PCDHA4: variants seen among roughly 807,000 people sequenced by gnomAD.
PCDHA4 encodes the protein protocadherin alpha 4.
A neutral mutation model predicts 61.4 loss-of-function variants in PCDHA4; 49 were observed. That is an observed-to-expected ratio of 0.80 (90% CI 0.63 to 1.01). The LOEUF (loss-of-function observed/expected upper bound fraction) is 1.01, where lower values mean the gene tolerates loss of function less well. Ranked by LOEUF, PCDHA4 falls within the 50% of genes least tolerant of loss-of-function variation. The probability of loss-of-function intolerance (pLI) is 0.00; values close to 1 mark genes in which losing one functional copy is unlikely to be tolerated. For synonymous variants in PCDHA4, 590 were observed against 550.3 expected (o/e 1.07, Z -1.01); for missense variants, 1,254 against 1,235.8 (o/e 1.01, Z -0.22).
chr5:140,813,047 T>C (rs1334084889), intron 1 of PCDHA4: 1 of 152,224 alleles, frequency 6.6e-6, no homozygotes, highest in African/African-American at 2.4e-5. Context: ...AAGACTTGTT[T>C]TGTGACCTGA....
intron 1 of PCDHA4, chr5:140,877,909 C>A: frequency 6.3e-6 from 9 of 1,432,578 alleles, no homozygotes; most frequent in Non-Finnish European, 7.3e-6. Flanking sequence ...TAACTACATT[C>A]TCTCATTTTT....
At chr5:140,884,547 C>T (rs1554181712) in intron 1 of PCDHA4, 5 of 1,614,214 alleles carry the variant, frequency 3.1e-6, no homozygotes, top group Admixed American at 1.7e-5. Context: ...AGGGTGTGCT[C>T]TGGGGAGGGC....
At chr5:140,948,865 C>T (rs1358865868) in intron 1 of PCDHA4, among the ~76,000 whole-genome samples, 4 of 151,324 alleles carry the variant, frequency 2.6e-5, no homozygotes, top group African/African-American at 4.8e-5. Flanking sequence ...TATATTACTT[C>T]GGGTTTACTT....
chr5:140,850,570 C>T (rs2041682999), intron 1 of PCDHA4: 2 of 1,598,372 alleles, frequency 1.3e-6, no homozygotes, highest in Non-Finnish European at 8.6e-7. Context: ...CCCGAGGTGA[C>T]GCTGGTGGAT....
chr5:140,871,527 G>A (rs537927360), intron 1 of PCDHA4: 3 of 1,531,844 alleles, frequency 2.0e-6, no homozygotes, highest in African/African-American at 2.8e-5. Context: ...CTATCAGGAA[G>A]TGTATGTGAA....
chr5:140,883,356 C>A, intron 1 of PCDHA4: 1 of 1,614,190 alleles, frequency 6.2e-7, no homozygotes, highest in Non-Finnish European at 8.5e-7. Flanking sequence ...AGAGAAGACA[C>A]TCAGCCTAGC....
intron 1 of PCDHA4, among the ~76,000 whole-genome samples, chr5:140,921,561 T>C (rs373696344): frequency 6.6e-6 from 1 of 152,194 alleles, no homozygotes; most frequent in South Asian, 2.1e-4. Context: ...AGCTCTATTA[T>C]GTTATAGTAG....
chr5:140,967,127 T>C (rs155808), intron 1 of PCDHA4: 558,768 of 1,612,332 alleles, frequency 0.35, 98,550 homozygotes, highest in East Asian at 0.51. Flanking sequence ...CCTGCTCAGC[T>C]TGGAAGTGCT....
chr5:140,917,256 T>C (rs1043140553), intron 1 of PCDHA4, among the ~76,000 whole-genome samples: 6 of 151,524 alleles, frequency 4.0e-5, no homozygotes, highest in African/African-American at 7.3e-5. Context: ...ATTGCTCACC[T>C]GATGTTTGGT....
intron 3 of PCDHA4, among the ~76,000 whole-genome samples, chr5:140,985,949 C>T (rs1195801055): frequency 2.6e-5 from 4 of 152,032 alleles, no homozygotes; most frequent in African/African-American, 9.7e-5. Context: ...CTGTGTTAGC[C>T]AGGATGGTCT....
chr5:140,983,039 A>C (rs1554245052), intron 3 of PCDHA4, among the ~76,000 whole-genome samples: 1 of 152,036 alleles, frequency 6.6e-6, no homozygotes, highest in Non-Finnish European at 1.5e-5. Flanking sequence ...TTTCTCATGG[A>C]AGTGGAAAAT....
chr5:140,831,485 G>A (rs1771542804), intron 1 of PCDHA4, among the ~76,000 whole-genome samples: 1 of 82,564 alleles, frequency 1.2e-5, no homozygotes, highest in Non-Finnish European at 2.3e-5. Flanking sequence ...TCAGCCTCTG[G>A]AGTTACTACA....
At chr5:140,884,812 G>C in intron 1 of PCDHA4, 2 of 1,117,104 alleles carry the variant, frequency 1.8e-6, no homozygotes, top group Non-Finnish European at 2.5e-6. Flanking sequence ...ACTCTGCTGT[G>C]GACATTATGT....
intron 1 of PCDHA4, among the ~76,000 whole-genome samples, chr5:140,906,614 TTTG>T (rs1448753363): frequency 6.6e-6 from 1 of 152,208 alleles, no homozygotes; most frequent in Non-Finnish European, 1.5e-5. Flanking sequence ...CTGTATTCCC[TTTG>T]CCTTCAGCAA....
At chr5:141,000,238 G>T (rs111531743) in intron 3 of PCDHA4, among the ~76,000 whole-genome samples, 3 of 151,558 alleles carry the variant, frequency 2.0e-5, no homozygotes, top group African/African-American at 7.3e-5. Flanking sequence ...GCTGAATGTG[G>T]TGGCTGACAC....
chr5:140,926,414 A>C, intron 1 of PCDHA4: 1 of 152,834 alleles, frequency 6.5e-6, no homozygotes, highest in Non-Finnish European at 1.5e-5. Context: ...ATCTGCGGGC[A>C]GAGGATGTGG....
In PCDHA4 at chr5:140,869,551, T is replaced by A. The variant is rs570153514; in HGVS notation, c.2385+59979T>A. On this transcript the variant is annotated intron_variant, in intron 1 of 3. Coordinates refer to ENST00000530339, the MANE Select transcript of PCDHA4 (RefSeq NM_018907.4). ...GATTGCGGAATCTAAGCAATCGGAC[T>A]CGCGTTTTCCACTAGAGGGAGCTTC... 3.1e-6 allele frequency: 5 copies of A among 1,614,218 alleles called. No individual in the cohort carries two copies. The East Asian group carries it at 6.7e-5, about 22-fold the overall frequency.
intron 1 of PCDHA4, chr5:140,834,524 C>G: frequency 6.2e-7 from 1 of 1,614,088 alleles, no homozygotes; most frequent in African/African-American, 1.3e-5. Flanking sequence ...TCGTGGGCCG[C>G]ATCGCGCAGG....
At chr5:140,862,356 A>G in intron 1 of PCDHA4, 1 of 338,010 alleles carries the variant, frequency 3.0e-6, no homozygotes, top group Non-Finnish European at 5.8e-6. Context: ...GCCAAGGGAC[A>G]GACGACCCGC....
Sources: gnomAD v4.1 joint callset for allele counts (sites outside exome capture counted in the v4.1 genomes callset) on GRCh38, gnomAD v4.1.1 for gene constraint, MANE v1.5 for transcripts, NCBI Gene and HGNC (gene_info 2026-07-23, HGNC 2026-07-21) for gene names.